SFMBT1: variants seen among roughly 807,000 people sequenced by gnomAD.
SFMBT1 encodes scm-like with four MBT domains protein 1.
A neutral mutation model predicts 108.7 loss-of-function variants in SFMBT1; 32 were observed. The observed-to-expected ratio is 0.29, with a 90% CI of 0.22 to 0.40. The LOEUF is 0.40. Among genes scored for constraint, SFMBT1 ranks in the 10% least tolerant of loss-of-function variants. The pLI is 1.00. For synonymous variants in SFMBT1, 348 were observed against 369.5 expected (o/e 0.94, Z 0.67); for missense variants, 816 against 1,059.6 (o/e 0.77, Z 3.19).
At chr3:52,983,559 G>A (rs1398437600) in intron 1 of SFMBT1, among the ~76,000 whole-genome samples, 1 of 152,222 alleles carries the variant, frequency 6.6e-6, no homozygotes, top group East Asian at 1.9e-4. Flanking sequence ...GAACAAGGGA[G>A]GAGGACAGGG....
At chr3:52,990,153 A>C (rs1705073578) in intron 1 of SFMBT1, among the ~76,000 whole-genome samples, 2 of 152,242 alleles carry the variant, frequency 1.3e-5, no homozygotes, top group Admixed American at 1.3e-4. Context: ...CCACTCACTC[A>C]GGAAAAACAT....
chr3:53,033,146 A>G (rs1388714760), intron 1 of SFMBT1, among the ~76,000 whole-genome samples: 1 of 152,090 alleles, frequency 6.6e-6, no homozygotes, highest in East Asian at 1.9e-4. Flanking sequence ...TGCTTCTACA[A>G]AATTTTTTAA....
At chr3:52,965,874 C>G (rs558233607) in intron 2 of SFMBT1, among the ~76,000 whole-genome samples, 70 of 149,926 alleles carry the variant, frequency 4.7e-4, no homozygotes, top group African/African-American at 1.6e-3. Context: ...GGCGTGGTAG[C>G]AGGCACCTGT....
chr3:52,930,410 A>G lies in SFMBT1; in HGVS notation c.816T>C (p.Ile272=), dbSNP rs767371502. ...ATTTCATGTTTACAGAGAATGTATG[A>G]ATGCCAATAACTTGTTTGTCCTGAA... ...YLFKDKQVIG[I]HTFSVNMKLE... Residue 272 remains isoleucine, a synonymous_variant, in exon 8 of 21, where the codon ATT becomes ATC. Coordinates refer to ENST00000394752, the MANE Select transcript of SFMBT1 (RefSeq NM_016329.4). 2.5e-6 allele frequency: 4 copies of G among 1,612,110 alleles called. No homozygotes were observed. Among genetic ancestry groups the G allele is most frequent in the South Asian group, 1.1e-5 (1 of 91,038 alleles).
rs774158740 is a variant in SFMBT1 at position 52,911,029 on chromosome 3, C to T, written c.1880G>A (p.Cys627Tyr). ...GTATTTGGTCTTTGTAAGTACAGAA[C>T]AGTTCTCAGAACACTTATCCAGAAC... The part of the protein sequence containing the change: ...RMVLDKCSEN[C>Y]SVLTKTKYTH... The change falls in exon 17 of 21, where the codon TGT becomes TAT. Residue 627 changes from cysteine (C) to tyrosine (Y), a missense_variant. By Grantham distance (194) the Cys-to-Tyr change is radical (BLOSUM62 -2). This residue lies in a region of SFMBT1 where 79 missense variants were observed against 120.8 expected (regional missense o/e 0.65). Transcript: ENST00000394752. 6.2e-7 allele frequency: 1 copy of T among 1,614,160 alleles called. No individual in the cohort carries two copies.
At chr3:52,960,656 T>C (rs1703931045) in intron 2 of SFMBT1, among the ~76,000 whole-genome samples, 1 of 152,162 alleles carries the variant, frequency 6.6e-6, no homozygotes, top group Admixed American at 6.6e-5. Flanking sequence ...TCTATGCATG[T>C]CTGTGTATAT....
intron 10 of SFMBT1, among the ~76,000 whole-genome samples, chr3:52,924,400 G>A (rs1011035208): frequency 3.3e-5 from 5 of 152,186 alleles, no homozygotes; most frequent in African/African-American, 9.7e-5. Context: ...CCAGCACTAC[G>A]GGAGGCTGAG....
intron 14 of SFMBT1, 148 bp from the exon 15 acceptor site, chr3:52,913,765 G>A: frequency 1.2e-6 from 1 of 843,802 alleles, no homozygotes; most frequent in East Asian, 2.7e-5. Flanking sequence ...TTAACATGTT[G>A]TCTGAGAATG....
At chr3:52,944,693 G>A (rs1369006103) in intron 3 of SFMBT1, among the ~76,000 whole-genome samples, 1 of 151,980 alleles carries the variant, frequency 6.6e-6, no homozygotes, top group Non-Finnish European at 1.5e-5. Context: ...CTAATTTTTT[G>A]TATTTTTAGT....
intron 1 of SFMBT1, among the ~76,000 whole-genome samples, chr3:52,983,604 T>A (rs1367439436): frequency 6.6e-6 from 1 of 152,188 alleles, no homozygotes; most frequent in East Asian, 1.9e-4. Flanking sequence ...AAAGCCTTAG[T>A]GTTGAGGTAA....
At position 52,904,923 on chromosome 3, in the gene SFMBT1, A is replaced by C; in HGVS notation, c.*213T>G. ...TTTAAAAACTGCCATCTGCTGAACA[A>C]GAGATGTCCACATTTCCACCAGCAG... On this transcript the variant is annotated 3_prime_UTR_variant, in exon 21 of 21. Transcript: ENST00000394752. 2.0e-6 allele frequency: 1 copy of C among 491,868 alleles called. No homozygotes were observed. The highest frequency in any genetic ancestry group is 3.5e-6 in the Non-Finnish European group (1 of 286,392). The allele number at this position is 491,868 out of a possible 1,614,324, so 30.5% of individuals were successfully genotyped here. A position where few individuals can be genotyped will look rare whatever the true frequency, so the allele number is the denominator to read the frequency against.
intron 2 of SFMBT1, among the ~76,000 whole-genome samples, chr3:52,964,405 T>C (rs573096084): frequency 2.6e-5 from 4 of 152,332 alleles, no homozygotes; most frequent in African/African-American, 9.6e-5. Context: ...TCCCAGCTAC[T>C]TGGGAGGCTG....
chr3:53,015,659 G>A (rs1699100428), intron 1 of SFMBT1, among the ~76,000 whole-genome samples: 2 of 152,130 alleles, frequency 1.3e-5, no homozygotes, highest in Non-Finnish European at 2.9e-5. Context: ...AAAACTTTAT[G>A]CTAAATTAAC....
At chr3:52,994,681 G>A (rs1698255230) in intron 1 of SFMBT1, among the ~76,000 whole-genome samples, 1 of 150,184 alleles carries the variant, frequency 6.7e-6, no homozygotes, top group African/African-American at 2.4e-5. Flanking sequence ...TATATTTTTA[G>A]TAGAGATGGG....
intron 1 of SFMBT1, among the ~76,000 whole-genome samples, chr3:53,001,948 C>CACACAT (rs1698570460): frequency 6.8e-6 from 1 of 147,566 alleles, no homozygotes; most frequent in South Asian, 2.2e-4. Context: ...CACACACACA[C>CACACAT]ACACACACAC....
chr3:53,035,898 C>T lies in SFMBT1; in HGVS notation c.-131+9918G>A, dbSNP rs116717505. Among the ~76,000 whole-genome samples the T allele has an allele frequency of 8.9e-3, 1,358 of 152,288 alleles. 15 individuals are homozygous for T. The highest frequency in any genetic ancestry group is 0.031 in the African/African-American group (1,296 of 41,560). On this transcript the variant is annotated intron_variant, in intron 1 of 20. Transcript: ENST00000394752. ...GTGAGCAACCGCACCCGGCCAGAGA[C>T]GTAAGTAAATTTTGAAAGGAGCCCT...
chr3:53,039,185 C>T (rs373179133), intron 1 of SFMBT1, among the ~76,000 whole-genome samples: 2 of 152,164 alleles, frequency 1.3e-5, no homozygotes, highest in East Asian at 1.9e-4. Flanking sequence ...TGGGCACATA[C>T]GGAGTTCTTC....
chr3:52,975,645 A>C lies in SFMBT1; in HGVS notation c.-130-6387T>G, dbSNP rs1299644869. The stretch of plus-strand genomic sequence containing the variant: ...TTGAGACAGTCTACTTCTGTTACCC[A>C]GGCTGGAATGTAGTGGCGCAATCCC... On this transcript the variant is annotated intron_variant, in intron 1 of 20. Transcript: ENST00000394752. Among the ~76,000 whole-genome samples, 3 of 152,196 alleles carry C rather than the reference A, an allele frequency of 2.0e-5. No individual in the cohort carries two copies. In the East Asian group the frequency reaches 5.8e-4, roughly 29 times the overall value.
intron 1 of SFMBT1, among the ~76,000 whole-genome samples, chr3:53,002,895 G>A (rs1260772292): frequency 6.7e-6 from 1 of 149,932 alleles, no homozygotes; most frequent in Non-Finnish European, 1.5e-5. Flanking sequence ...CCCGCTCTCT[G>A]GTCCTGGCTG....
Sources: allele counts gnomAD v4.1 joint callset (sites outside exome capture counted in the v4.1 genomes callset), GRCh38; gene constraint gnomAD v4.1.1; regional missense constraint gnomAD v4.1.1; transcripts MANE v1.5; gene names NCBI Gene and HGNC (gene_info 2026-07-23, HGNC 2026-07-21).